Variants in CFAP206 observed in about 807,000 individuals in gnomAD.
CFAP206 encodes the protein cilia and flagella associated protein 206, also known as cilia- and flagella-associated protein 206.
Under a neutral mutation model 65.4 loss-of-function variants are expected in CFAP206, and 53 were observed. The observed-to-expected ratio is 0.81, with a 90% CI of 0.65 to 1.02. The LOEUF is 1.02. Among genes scored for constraint, CFAP206 ranks in the 50% least tolerant of loss-of-function variants. The probability of loss-of-function intolerance (pLI) is 0.00; values close to 1 mark genes in which losing one functional copy is unlikely to be tolerated. For synonymous variants in CFAP206, 250 were observed against 254.4 expected, an observed-to-expected ratio of 0.98 and a Z score of 0.17; for missense variants, 663 against 753.2, an observed-to-expected ratio of 0.88 and a Z score of 1.40.
intron 4 of CFAP206, among the ~76,000 whole-genome samples, chr6:87,414,460 G>A (rs1767790435): frequency 6.6e-6 from 1 of 152,114 alleles, no homozygotes; most frequent in Non-Finnish European, 1.5e-5. Flanking sequence ...ACCATGCCCA[G>A]CTAATTTTTG....
intron 10 of CFAP206, 104 bp from the exon 11 acceptor site, chr6:87,434,756 C>A: frequency 1.5e-6 from 1 of 656,076 alleles, no homozygotes; most frequent in Non-Finnish European, 2.5e-6. Flanking sequence ...CTTTGGCCTC[C>A]CAAAGTGCTG....
intron 11 of CFAP206, among the ~76,000 whole-genome samples, chr6:87,448,885 A>G (rs1768492654): frequency 6.6e-6 from 1 of 152,122 alleles, no homozygotes; most frequent in Admixed American, 6.6e-5. Context: ...TAAATATACC[A>G]TATTTTCTTT....
intron 7 of CFAP206, among the ~76,000 whole-genome samples, chr6:87,419,415 T>C (rs1271902529): frequency 6.6e-6 from 1 of 152,166 alleles, no homozygotes; most frequent in East Asian, 1.9e-4. Context: ...ACTCAGAATC[T>C]TACAAATATA....
At chr6:87,454,844 CAA>C (rs200119526) in intron 11 of CFAP206, among the ~76,000 whole-genome samples, 8 of 89,682 alleles carry the variant, frequency 8.9e-5, no homozygotes, top group African/African-American at 2.2e-4. Flanking sequence ...GACTCTGTCT[CAA>C]AAAAAAAAAA....
At chr6:87,413,934 A>G (rs1178782638) in intron 4 of CFAP206, 34 bp downstream of exon 4, 10 of 1,091,794 alleles carry the variant, frequency 9.2e-6, no homozygotes, top group Non-Finnish European at 1.3e-5. Context: ...TACTTAAAAA[A>G]TTTCATACTG....
At chr6:87,412,577 A>G (rs1463094473) in intron 3 of CFAP206, among the ~76,000 whole-genome samples, 1 of 152,188 alleles carries the variant, frequency 6.6e-6, no homozygotes, top group Non-Finnish European at 1.5e-5. Context: ...AGGAGAAGAA[A>G]TATCAAGGGT....
chr6:87,410,555 G>A (rs773298918), intron 2 of CFAP206, 30 bp from the exon 3 acceptor site: 1 of 1,511,660 alleles, frequency 6.6e-7, no homozygotes, highest in East Asian at 2.3e-5. Context: ...TTCTTTCCTA[G>A]TTAATGGACT....
chr6:87,428,171 A>G lies in CFAP206; in HGVS notation c.961-455A>G, dbSNP rs182204898. Among the ~76,000 whole-genome samples the G allele has an allele frequency of 8.6e-3, 1,312 of 151,792 alleles. 17 individuals are homozygous for G. The highest frequency in any genetic ancestry group is 0.03 in the African/African-American group (1,229 of 41,414). On this transcript the variant is annotated intron_variant, in intron 8 of 12. Transcript: ENST00000369562. Reference sequence around the variant, plus strand: ...CCTGGCTAATTTTTGTATTTTTAGTAGAGACGGGGTTTTGCCATGTTGGCC... The same window carrying G: ...CCTGGCTAATTTTTGTATTTTTAGTGGAGACGGGGTTTTGCCATGTTGGCC...
At position 87,426,670 on chromosome 6, in the gene CFAP206, C is replaced by A. The variant is rs760993934; in HGVS notation, c.960+25C>A. On this transcript the variant is annotated intron_variant, in intron 8 of 12. Transcript: ENST00000369562. The stretch of plus-strand genomic sequence containing the variant: ...TGTAAGTATTTGTCATAAACTTTGA[C>A]CTTAAGGTGAATTTCCTTTTGAGCC... The A allele has an allele frequency of 1.1e-5, 16 of 1,516,718 alleles. No individual in the cohort carries two copies. The African/African-American group carries it at 2.1e-4, about 20-fold the overall frequency. The allele number at this position is 1,516,718 out of a possible 1,614,324, so 94.0% of individuals were successfully genotyped here. A position where few individuals can be genotyped will look rare whatever the true frequency, so the allele number is the denominator to read the frequency against.
intron 7 of CFAP206, among the ~76,000 whole-genome samples, chr6:87,418,820 G>GT (rs35323736): frequency 0.15 from 22,921 of 151,990 alleles, 1,830 homozygotes; most frequent in Middle Eastern, 0.18. Context: ...TTTTTTAAAG[G>GT]TTTTTTGTAG....
chr6:87,455,317 A>T (rs1429971845), intron 11 of CFAP206, among the ~76,000 whole-genome samples: 2 of 152,220 alleles, frequency 1.3e-5, no homozygotes, highest in African/African-American at 4.8e-5. Context: ...AAATTAAAAA[A>T]TTTCTTGAAA....
chr6:87,411,988 C>G (rs1767742598), intron 3 of CFAP206, among the ~76,000 whole-genome samples: 1 of 152,136 alleles, frequency 6.6e-6, no homozygotes, highest in African/African-American at 2.4e-5. Flanking sequence ...TTGTGGCAGT[C>G]AGAAATTTTA....
intron 3 of CFAP206, 115 bp from the exon 4 acceptor site, chr6:87,413,695 G>A: frequency 1.6e-6 from 1 of 638,294 alleles, no homozygotes; most frequent in Non-Finnish European, 2.7e-6. Flanking sequence ...GGGGTTATTG[G>A]TGAATCAATA....
chr6:87,431,970 A>G (rs1470089271), intron 10 of CFAP206, among the ~76,000 whole-genome samples: 1 of 152,202 alleles, frequency 6.6e-6, no homozygotes, highest in Non-Finnish European at 1.5e-5. Context: ...TATGATGTAT[A>G]TATTATTAGA....
At position 87,416,727 on chromosome 6, in the gene CFAP206, GA is replaced by G. The variant is rs764832861; in HGVS notation, c.533del (p.Lys178ArgfsTer7). The G allele has an allele frequency of 6.2e-7, 1 of 1,613,138 alleles. No homozygotes were observed. The highest frequency in any genetic ancestry group is 8.5e-7 in the Non-Finnish European group (1 of 1,179,716). On this transcript the variant is annotated frameshift_variant, in exon 6 of 13. Transcript: ENST00000369562. LOFTEE classifies it high-confidence loss of function. Reference protein sequence around the residue: ...ELGTFLTLSKKDKERQLKELT... With the variant: ...ELGTFLTLSKXDKERQLKELT... ...TTGGGACATTTCTAACTCTTTCTAA[GA>G]AGGACAAAGAACGCCAGCTGAAAGA...
intron 7 of CFAP206, among the ~76,000 whole-genome samples, chr6:87,424,432 C>T (rs903436041): frequency 6.6e-6 from 1 of 152,002 alleles, no homozygotes; most frequent in African/African-American, 2.4e-5. Context: ...GCAGGTGCCA[C>T]CACGCCCAGC....
chr6:87,461,109 A>G lies in CFAP206; in HGVS notation c.1582A>G (p.Ile528Val). 6.3e-7 allele frequency: 1 copy of G among 1,592,846 alleles called. No individual in the cohort carries two copies. Among genetic ancestry groups the G allele is most frequent in the Non-Finnish European group, 8.5e-7 (1 of 1,172,784 alleles). The change falls in exon 12 of 13, where the codon ATT becomes GTT. Residue 528 changes from isoleucine (I) to valine (V), a missense_variant. Coordinates refer to ENST00000369562, the MANE Select transcript of CFAP206 (RefSeq NM_001031743.3). ...GAATACACACATACTGCCACCAACG[A>G]TTGTGAGATCATATGAGTGGAATGA... ...QTNTHILPPT[I>V]VRSYEWNEWE...
Position 87,426,510 on chromosome 6 carries a change from T to C in CFAP206, c.841-16T>C. 1 of 1,546,034 alleles carries C rather than the reference T, an allele frequency of 6.5e-7. No individual in the cohort carries two copies. The highest frequency in any genetic ancestry group is 8.7e-7 in the Non-Finnish European group (1 of 1,145,042). On this transcript the variant is annotated splice_polypyrimidine_tract_variant and intron_variant, in intron 7 of 12. Transcript: ENST00000369562. ...GAATTATAAAAATATTAATGCAAAT[T>C]ATGTTGTTTTCACAGTCAGATATAA...
intron 11 of CFAP206, among the ~76,000 whole-genome samples, chr6:87,437,513 G>A (rs1381917105): frequency 6.6e-6 from 1 of 151,986 alleles, no homozygotes; most frequent in East Asian, 1.9e-4. Flanking sequence ...AACTTTGTAA[G>A]TTGAATCCTT....
Sources: allele counts gnomAD v4.1 joint callset (sites outside exome capture counted in the v4.1 genomes callset), GRCh38; gene constraint gnomAD v4.1.1; transcripts MANE v1.5; gene names NCBI Gene and HGNC (gene_info 2026-07-23, HGNC 2026-07-21).